The following CNTNAP5 variants were observed in gnomAD, a reference collection of about 807,000 sequenced individuals.
CNTNAP5 encodes contactin associated protein family member 5.
In CNTNAP5, 72 loss-of-function variants were observed where a neutral mutation model predicts 150.2. The ratio of observed to expected loss-of-function variants is 0.48; its 90% confidence interval spans 0.40 to 0.58. CNTNAP5 has a LOEUF of 0.58. CNTNAP5 is among the 20% of genes least tolerant of loss of function. The probability of loss-of-function intolerance (pLI) is 0.00; values close to 1 mark genes in which losing one functional copy is unlikely to be tolerated. For synonymous variants in CNTNAP5, 672 were observed against 619.8 expected, an observed-to-expected ratio of 1.08 and a Z score of -1.25; for missense variants, 1,636 against 1,626.2, an observed-to-expected ratio of 1.01 and a Z score of -0.10.
At chr2:124,495,476 T>A (rs555128332) in intron 7 of CNTNAP5, among the ~76,000 whole-genome samples, 3 of 152,230 alleles carry the variant, frequency 2.0e-5, no homozygotes, top group Non-Finnish European at 4.4e-5. Flanking sequence ...GTGGCTCTAG[T>A]AGTTCCCTGT....
chr2:124,199,410 G>GTTTTTT (rs1420646876), intron 1 of CNTNAP5, among the ~76,000 whole-genome samples: 1 of 82,096 alleles, frequency 1.2e-5, no homozygotes, highest in Non-Finnish European at 2.3e-5. Context: ...TTATTCCAAG[G>GTTTTTT]TTCTTTTTTT....
At chr2:124,076,485 G>A (rs919051397) in intron 1 of CNTNAP5, among the ~76,000 whole-genome samples, 2 of 152,004 alleles carry the variant, frequency 1.3e-5, no homozygotes, top group African/African-American at 2.4e-5. Flanking sequence ...CCCTGATTAT[G>A]GCAATTTGGT....
At position 124,025,543 on chromosome 2, in the gene CNTNAP5, G is replaced by A. The variant is rs1573698726; in HGVS notation, c.-108G>A. 2.2e-6 allele frequency: 2 copies of A among 891,212 alleles called. No individual in the cohort carries two copies. The highest frequency in any genetic ancestry group is 1.9e-6 in the Non-Finnish European group (1 of 540,154). 55.2% of individuals were successfully genotyped at this position (891,212 alleles called of 1,614,324 possible). ...AAAGAGCGAGTGCCTCTCCAAGCGG[G>A]GGTGGGAGGGGGTCAGGCTGTGCAG... On this transcript the variant is annotated 5_prime_UTR_variant, in exon 1 of 24. Coordinates refer to ENST00000682447, the MANE Select transcript of CNTNAP5 (RefSeq NM_001367498.1).
At chr2:124,054,649 A>G (rs537632510) in intron 1 of CNTNAP5, among the ~76,000 whole-genome samples, 1 of 152,328 alleles carries the variant, frequency 6.6e-6, no homozygotes, top group East Asian at 1.9e-4. Flanking sequence ...CAAGTTTACT[A>G]TAGCAGATCT....
intron 20 of CNTNAP5, among the ~76,000 whole-genome samples, chr2:124,868,959 C>T: frequency 6.6e-6 from 1 of 151,950 alleles, no homozygotes; most frequent in East Asian, 1.9e-4. Flanking sequence ...GGGGAGGGCT[C>T]CCTAGGAATG....
At chr2:124,390,247 G>C (rs1691075968) in intron 3 of CNTNAP5, among the ~76,000 whole-genome samples, 1 of 152,084 alleles carries the variant, frequency 6.6e-6, no homozygotes, top group Non-Finnish European at 1.5e-5. Context: ...ATTTTTCTTT[G>C]TGATTTTGAT....
At chr2:124,098,385 G>T (rs1011053718) in intron 1 of CNTNAP5, among the ~76,000 whole-genome samples, 4 of 152,036 alleles carry the variant, frequency 2.6e-5, no homozygotes, top group Non-Finnish European at 4.4e-5. Flanking sequence ...AGAAAATCTG[G>T]GTATAAGTAG....
At chr2:124,777,417 C>T (rs1188987971) in intron 17 of CNTNAP5, among the ~76,000 whole-genome samples, 1 of 152,080 alleles carries the variant, frequency 6.6e-6, no homozygotes. Context: ...CTCCATCGCC[C>T]AGGCTGGAGT....
At chr2:124,615,036 T>C (rs1677466325) in intron 12 of CNTNAP5, among the ~76,000 whole-genome samples, 1 of 152,040 alleles carries the variant, frequency 6.6e-6, no homozygotes, top group Non-Finnish European at 1.5e-5. Flanking sequence ...ACTTTACTGC[T>C]AAAAAATGCT....
At chr2:124,525,507 T>C (rs1033118429) in intron 9 of CNTNAP5, among the ~76,000 whole-genome samples, 3 of 152,216 alleles carry the variant, frequency 2.0e-5, no homozygotes, top group African/African-American at 7.2e-5. Flanking sequence ...TATAAAATTA[T>C]GCATAGTCTC....
At chr2:124,803,833 A>C (rs995305926) in intron 19 of CNTNAP5, among the ~76,000 whole-genome samples, 2 of 152,200 alleles carry the variant, frequency 1.3e-5, no homozygotes, top group Non-Finnish European at 2.9e-5. Flanking sequence ...GGTTGACCTT[A>C]GAACATCCCC....
At chr2:124,621,530 T>C (rs1348111013) in intron 12 of CNTNAP5, among the ~76,000 whole-genome samples, 2 of 152,160 alleles carry the variant, frequency 1.3e-5, no homozygotes, top group Non-Finnish European at 2.9e-5. Context: ...GCATGCATAA[T>C]GGAGTAGGTA....
In CNTNAP5 at chr2:124,413,843, G is replaced by A. The variant is rs945136865; in HGVS notation, c.382-3600G>A. 7.7e-5 allele frequency among the ~76,000 whole-genome samples: 11 copies of A among 143,626 alleles called. No individual in the cohort carries two copies. In the Admixed American group the frequency reaches 7.8e-4, roughly 10 times the overall value. The allele number at this position is 143,626 out of a possible 152,430, so 94.2% of individuals were successfully genotyped here. ...ACATGTATACATATGTAACTAACCTGCACAATGTGCACATGTACCCTAAAA... is the reference window on the plus strand; with the variant it reads ...ACATGTATACATATGTAACTAACCTACACAATGTGCACATGTACCCTAAAA... On this transcript the variant is annotated intron_variant, in intron 3 of 23. Transcript: ENST00000682447.
intron 3 of CNTNAP5, among the ~76,000 whole-genome samples, chr2:124,309,638 C>G (rs1020520698): frequency 6.6e-6 from 1 of 152,198 alleles, no homozygotes; most frequent in East Asian, 1.9e-4. Flanking sequence ...TGAGGCAGAG[C>G]TAGGGCTGAA....
chr2:124,755,954 G>A (rs1680831788), intron 14 of CNTNAP5, among the ~76,000 whole-genome samples: 1 of 152,106 alleles, frequency 6.6e-6, no homozygotes, highest in Admixed American at 6.6e-5. Flanking sequence ...GCGTCTCTGA[G>A]CTTCTGGTTT....
chr2:124,412,095 A>T (rs1340121637), intron 3 of CNTNAP5, among the ~76,000 whole-genome samples: 2 of 126,130 alleles, frequency 1.6e-5, no homozygotes, highest in Non-Finnish European at 3.6e-5. Context: ...ACAGACAAAC[A>T]GAGAGCCAAA....
intron 1 of CNTNAP5, among the ~76,000 whole-genome samples, chr2:124,107,534 G>T (rs1281913230): frequency 6.6e-6 from 1 of 152,138 alleles, no homozygotes; most frequent in Non-Finnish European, 1.5e-5. Flanking sequence ...TCTAATCTTG[G>T]ATTTTTTAAA....
At chr2:124,490,357 AAGAG>A (rs1246440979) in intron 7 of CNTNAP5, among the ~76,000 whole-genome samples, 3 of 143,344 alleles carry the variant, frequency 2.1e-5, no homozygotes, top group East Asian at 2.2e-4. Flanking sequence ...AGAAGAAAGA[AAGAG>A]AGAGAGAGAA....
At chr2:124,826,151 C>T (rs1028946430) in intron 19 of CNTNAP5, among the ~76,000 whole-genome samples, 12 of 151,922 alleles carry the variant, frequency 7.9e-5, no homozygotes, top group Non-Finnish European at 1.3e-4. Context: ...GTTATTACTA[C>T]ATTAATTATT....
Sources: allele counts gnomAD v4.1 joint callset (sites outside exome capture counted in the v4.1 genomes callset), GRCh38; gene constraint gnomAD v4.1.1; transcripts MANE v1.5; gene names NCBI Gene and HGNC (gene_info 2026-07-23, HGNC 2026-07-21).